PTPRD: variants seen among roughly 807,000 people sequenced by gnomAD.
PTPRD encodes protein tyrosine phosphatase receptor type D.
Under a neutral mutation model 214.5 loss-of-function variants are expected in PTPRD, and 34 were observed. That is an observed-to-expected ratio of 0.16 (90% CI 0.12 to 0.21). PTPRD has a LOEUF of 0.21. Among genes scored for constraint, PTPRD ranks in the 10% least tolerant of loss-of-function variants. The pLI, the probability that PTPRD is intolerant of heterozygous loss-of-function variation, is 1.00. For synonymous variants in PTPRD, 1,128 were observed against 845.7 expected (o/e 1.33, Z -5.79); for missense variants, 2,545 against 2,398.7 (o/e 1.06, Z -1.27).
At chr9:10,502,626 A>G (rs2044162580) in intron 2 of PTPRD, among the ~76,000 whole-genome samples, 1 of 152,128 alleles carries the variant, frequency 6.6e-6, no homozygotes, top group African/African-American at 2.4e-5. Context: ...CAAAGACCCC[A>G]TTGCCTAAGC....
At chr9:8,399,905 T>C (rs1207274690) in intron 36 of PTPRD, among the ~76,000 whole-genome samples, 2 of 152,194 alleles carry the variant, frequency 1.3e-5, no homozygotes, top group Admixed American at 1.3e-4. Flanking sequence ...GCTGACTTTT[T>C]AAATGCTTCC....
chr9:9,885,824 G>C (rs1468000906), intron 5 of PTPRD, among the ~76,000 whole-genome samples: 1 of 151,774 alleles, frequency 6.6e-6, no homozygotes, highest in Non-Finnish European at 1.5e-5. Flanking sequence ...CTTTGTGCCT[G>C]TAAATTTGTG....
intron 7 of PTPRD, among the ~76,000 whole-genome samples, chr9:9,601,601 G>GT (rs1321493154): frequency 2.0e-5 from 3 of 151,994 alleles, no homozygotes; most frequent in Non-Finnish European, 4.4e-5. Context: ...TACATTCTCA[G>GT]TTTTTTGCTC....
chr9:10,076,589 C>G (rs1018905155), intron 3 of PTPRD, among the ~76,000 whole-genome samples: 1 of 152,030 alleles, frequency 6.6e-6, no homozygotes, highest in Non-Finnish European at 1.5e-5. Context: ...AAAAGCATGG[C>G]CCCTGAGCAG....
At chr9:9,345,418 T>C (rs1405136097) in intron 9 of PTPRD, among the ~76,000 whole-genome samples, 4 of 152,078 alleles carry the variant, frequency 2.6e-5, no homozygotes, top group Non-Finnish European at 5.9e-5. Context: ...GAGGCTCAAG[T>C]ACAGGTTATG....
At chr9:9,189,516 C>T (rs940763233) in intron 9 of PTPRD, among the ~76,000 whole-genome samples, 1 of 152,022 alleles carries the variant, frequency 6.6e-6, no homozygotes, top group African/African-American at 2.4e-5. Context: ...ACAAAACGTC[C>T]TCTCTGATCC....
chr9:8,773,267 G>A (rs1167761508), intron 11 of PTPRD, among the ~76,000 whole-genome samples: 1 of 151,950 alleles, frequency 6.6e-6, no homozygotes, highest in Non-Finnish European at 1.5e-5. Context: ...AGCTCTTTCT[G>A]TATAGCTATC....
intron 8 of PTPRD, among the ~76,000 whole-genome samples, chr9:9,451,512 T>C (rs2092168384): frequency 6.6e-6 from 1 of 151,686 alleles, no homozygotes; most frequent in Admixed American, 6.6e-5. Context: ...GCAACTTCAA[T>C]ATAGCCTCAA....
At chr9:8,627,921 T>C (rs1243357016) in intron 14 of PTPRD, among the ~76,000 whole-genome samples, 2 of 151,922 alleles carry the variant, frequency 1.3e-5, no homozygotes, top group African/African-American at 2.4e-5. Context: ...TTTCCCAGCA[T>C]GGAAATGAGG....
chr9:8,730,769 C>T (rs1342356883), intron 12 of PTPRD, among the ~76,000 whole-genome samples: 2 of 152,120 alleles, frequency 1.3e-5, no homozygotes, highest in Admixed American at 6.6e-5. Context: ...ATCTTACAGC[C>T]GAATGGTTCT....
At chr9:9,243,993 A>T (rs191487272) in intron 9 of PTPRD, among the ~76,000 whole-genome samples, 1 of 152,184 alleles carries the variant, frequency 6.6e-6, no homozygotes, top group Non-Finnish European at 1.5e-5. Context: ...TTATACACCA[A>T]TAACAGACAG....
intron 11 of PTPRD, among the ~76,000 whole-genome samples, chr9:8,919,781 C>A (rs2098812531): frequency 6.6e-6 from 1 of 151,360 alleles, no homozygotes; most frequent in Non-Finnish European, 1.5e-5. Flanking sequence ...ATATGCACAT[C>A]TATGCACAAT....
intron 8 of PTPRD, among the ~76,000 whole-genome samples, chr9:9,471,701 C>T (rs2094598029): frequency 6.6e-6 from 1 of 152,052 alleles, no homozygotes; most frequent in Non-Finnish European, 1.5e-5. Context: ...TTATTTTGAA[C>T]AATTCAATGC....
chr9:10,570,183 T>A (rs2066984566), intron 2 of PTPRD, among the ~76,000 whole-genome samples: 1 of 152,192 alleles, frequency 6.6e-6, no homozygotes, highest in African/African-American at 2.4e-5. Context: ...TTATGTAATC[T>A]GTTTTTGCAT....
chr9:10,304,126 T>C (rs2095969061), intron 3 of PTPRD, among the ~76,000 whole-genome samples: 2 of 152,118 alleles, frequency 1.3e-5, no homozygotes, highest in African/African-American at 2.4e-5. Context: ...AATCAATATA[T>C]GTAATCCATC....
intron 3 of PTPRD, among the ~76,000 whole-genome samples, chr9:10,102,459 T>A (rs1479205767): frequency 6.6e-6 from 1 of 151,604 alleles, no homozygotes; most frequent in South Asian, 2.1e-4. Context: ...AGAACTAATG[T>A]CAATATTATT....
intron 9 of PTPRD, among the ~76,000 whole-genome samples, chr9:9,358,462 T>C (rs1465912883): frequency 6.6e-6 from 1 of 151,316 alleles, no homozygotes; most frequent in Non-Finnish European, 1.5e-5. Flanking sequence ...ATTTTAGCCT[T>C]GTTCATCCAG....
chr9:8,822,860 G>T lies in PTPRD; in HGVS notation c.-103-88914C>A, dbSNP rs533521582. ...TGCTGCAGTCATTTACTTAAGCTAC[G>T]GCAATTTAACAGGTTAGAAAGCAGA... On this transcript the variant is annotated intron_variant, in intron 11 of 45. Coordinates refer to ENST00000381196, the MANE Select transcript of PTPRD (RefSeq NM_002839.4). 2.6e-5 allele frequency among the ~76,000 whole-genome samples: 4 copies of T among 152,042 alleles called. No individual in the cohort carries two copies. In the East Asian group the frequency reaches 5.8e-4, roughly 22 times the overall value.
At chr9:8,638,787 A>AGAT (rs1169272877) in intron 12 of PTPRD, among the ~76,000 whole-genome samples, 1 of 152,212 alleles carries the variant, frequency 6.6e-6, no homozygotes, top group East Asian at 1.9e-4. Context: ...AATACAGACT[A>AGAT]GATGATTACT....
Sources: gnomAD v4.1 joint callset for allele counts (sites outside exome capture counted in the v4.1 genomes callset) on GRCh38, gnomAD v4.1.1 for gene constraint, MANE v1.5 for transcripts, NCBI Gene and HGNC (gene_info 2026-07-23, HGNC 2026-07-21) for gene names.